ASAH2: variants seen among roughly 807,000 people sequenced by gnomAD.
ASAH2 encodes the protein N-acylsphingosine amidohydrolase 2.
ASAH2 carries 58 observed loss-of-function variants against 82.9 expected under a neutral mutation model. That is an observed-to-expected ratio of 0.70 (90% CI 0.57 to 0.87). The LOEUF (loss-of-function observed/expected upper bound fraction) is 0.87. Among genes scored for constraint, ASAH2 ranks in the 40% least tolerant of loss-of-function variants. ASAH2 has a pLI of 0.00. For missense variants in ASAH2, 779 were observed against 834.0 expected (o/e 0.93, Z 0.81); for synonymous variants, 276 against 289.7 (o/e 0.95, Z 0.48).
At chr10:50,209,779 T>C (rs2133205729) in intron 12 of ASAH2, among the ~76,000 whole-genome samples, 1 of 152,284 alleles carries the variant, frequency 6.6e-6, no homozygotes, top group East Asian at 1.9e-4. Flanking sequence ...AATACGCACA[T>C]GAAAAGGTGT....
Position 50,243,105 on chromosome 10 carries a change from G to A in ASAH2, c.510+97C>T, listed in dbSNP as rs147645624. The A allele has an allele frequency of 2.0e-4, 282 of 1,413,462 alleles. 1 individual carries two copies. In the East Asian group the frequency reaches 5.1e-3, roughly 25 times the overall value. The allele number at this position is 1,413,462 out of a possible 1,614,324, so 87.6% of individuals were successfully genotyped here. On this transcript the variant is annotated intron_variant, in intron 4 of 20. Transcript: ENST00000682911. The stretch of plus-strand genomic sequence containing the variant: ...ATATTGAAGGTAATAGAATTTCACT[G>A]AATGAGAAACCAAGAGGAATTATTT...
chr10:50,197,245 C>G (rs1192422119), intron 17 of ASAH2, among the ~76,000 whole-genome samples: 1 of 151,564 alleles, frequency 6.6e-6, no homozygotes, highest in African/African-American at 2.4e-5. Context: ...GCCTAACATG[C>G]AAAAAGGTAA....
rs1554902359 is a variant in ASAH2 at position 50,187,084 on chromosome 10, CCTCT to C, written c.*227_*230del. On this transcript the variant is annotated 3_prime_UTR_variant, in exon 21 of 21. Transcript: ENST00000682911. ...GCTGGAGCAAGATATATGGGACAAA[CCTCT>C]CTCTCTCTCTCTCTCTCTCTCTCTC... 8.9e-4 allele frequency: 163 copies of C among 183,358 alleles called. No homozygotes were observed. Among genetic ancestry groups the C allele is most frequent in the African/African-American group, 3.4e-3 (76 of 22,254 alleles). 11.4% of individuals were successfully genotyped at this position (183,358 alleles called of 1,614,324 possible).
intron 7 of ASAH2, 98 bp downstream of exon 7, chr10:50,233,086 T>C (rs1177009373): frequency 1.0e-6 from 1 of 975,524 alleles, no homozygotes; most frequent in Non-Finnish European, 1.7e-6. Context: ...ACACAACTTA[T>C]TCTCAGTGTG....
chr10:50,231,137 G>A (rs1372728213), intron 7 of ASAH2, among the ~76,000 whole-genome samples: 1 of 151,882 alleles, frequency 6.6e-6, no homozygotes, highest in Admixed American at 6.6e-5. Context: ...CTATAAGGGC[G>A]ACTCTATCTC....
chr10:50,220,358 A>T (rs1845707995), intron 7 of ASAH2, among the ~76,000 whole-genome samples: 1 of 152,240 alleles, frequency 6.6e-6, no homozygotes, highest in Admixed American at 6.5e-5. Context: ...CACAATAGCA[A>T]GACATGAAAT....
chr10:50,213,224 G>A (rs1035637199), intron 9 of ASAH2, among the ~76,000 whole-genome samples, 166 bp from the exon 10 acceptor site: 4 of 152,120 alleles, frequency 2.6e-5, no homozygotes, highest in Non-Finnish European at 4.4e-5. Context: ...ATCATACCTG[G>A]AATTAGAAGA....
rs867954994 is a variant in ASAH2, at chr10:50,245,449, C to T, written c.133G>A (p.Gly45Arg). The change falls in exon 3 of 21, where the codon GGA (glycine) becomes AGA (arginine). Residue 45 changes from glycine to arginine, a missense_variant. Transcript: ENST00000682911. ...TGGGTGGTTGAAAAAAAATGGCCTC[C>T]TAAATCTAAAACAGAATAAGAGATT... Reference protein sequence around the residue: ...SGTIENHKDLGGHFFSTTQSP... With the variant: ...SGTIENHKDLRGHFFSTTQSP... The T allele has an allele frequency of 1.2e-6, 2 of 1,611,666 alleles. No individual in the cohort carries two copies. Among genetic ancestry groups the T allele is most frequent in the African/African-American group, 2.7e-5 (2 of 74,846 alleles).
chr10:50,238,614 A>G lies in ASAH2; in HGVS notation c.511-2550T>C, dbSNP rs1000182138. On this transcript the variant is annotated intron_variant, in intron 4 of 20. Transcript: ENST00000682911. ...GAAGGGACATCATGAAAGCTGAACT[A>G]AAGTCAGAAGCTGATGTTCTTAACA... 3.9e-5 allele frequency among the ~76,000 whole-genome samples: 6 copies of G among 152,308 alleles called. No individual in the cohort carries two copies. In the East Asian group the frequency reaches 1.2e-3, roughly 29 times the overall value.
chr10:50,236,448 A>G (rs1465427836), intron 4 of ASAH2, among the ~76,000 whole-genome samples: 3 of 152,096 alleles, frequency 2.0e-5, no homozygotes, highest in East Asian at 1.9e-4. Context: ...TCATGATTCA[A>G]TTACCTCCCA....
chr10:50,214,606 T>G, intron 9 of ASAH2, 137 bp downstream of exon 9: 5 of 1,069,146 alleles, frequency 4.7e-6, no homozygotes, highest in Non-Finnish European at 7.0e-6. Context: ...CAGGTGCTTT[T>G]GAGAAGAGCA....
Position 50,234,440 on chromosome 10 carries a change from T to G in ASAH2, c.800A>C (p.Gln267Pro). Residue 267 changes from glutamine (Q) to proline (P), a missense_variant, in exon 6 of 21, where the codon CAG becomes CCG. Gln to Pro is a moderately conservative substitution (Grantham distance 76). Transcript: ENST00000682911. ...RSPYSYLQNP[Q>P]SERARYSSNT... ...TCCTCCTCACCTTGCTCTCTCTGAC[T>G]GCGGATTTTGAAGGTAAGAATACGG... The G allele has an allele frequency of 1.2e-6, 2 of 1,613,054 alleles. No individual in the cohort carries two copies. Among genetic ancestry groups the G allele is most frequent in the Non-Finnish European group, 1.7e-6 (2 of 1,179,228 alleles).
Position 50,209,352 on chromosome 10 carries a change from GA to G in ASAH2, c.1414+1470del, listed in dbSNP as rs1018676880. ...AAGTGAAAAAACCTACAGAATGGAA[GA>G]AAAAAAATTTTTTTTGAGACAGAGT... On this transcript the variant is annotated intron_variant, in intron 12 of 20. Coordinates refer to ENST00000682911, the MANE Select transcript of ASAH2 (RefSeq NM_019893.4). Among the ~76,000 whole-genome samples the G allele has an allele frequency of 2.6e-5, 4 of 151,496 alleles. No homozygotes were observed. The South Asian group carries it at 8.3e-4, about 32-fold the overall frequency.
intron 18 of ASAH2, among the ~76,000 whole-genome samples, chr10:50,193,567 T>C (rs1248131356): frequency 3.3e-5 from 5 of 151,676 alleles, no homozygotes; most frequent in African/African-American, 7.2e-5. Flanking sequence ...GACAAGATTC[T>C]GTTCCCACCA....
intron 8 of ASAH2, among the ~76,000 whole-genome samples, chr10:50,218,124 A>G (rs1845655289): frequency 4.8e-5 from 1 of 20,680 alleles, no homozygotes; most frequent in Admixed American, 1.1e-3. Context: ...ACTCTGTCTC[A>G]AAAAATAAAA....
At chr10:50,243,144 C>T (rs1846347491) in intron 4 of ASAH2, 58 bp downstream of exon 4, 1 of 1,584,398 alleles carries the variant, frequency 6.3e-7, no homozygotes, top group Non-Finnish European at 8.6e-7. Context: ...GTCACATTCA[C>T]CCACTTTTCC....
At chr10:50,223,947 A>C (rs1845813401) in intron 7 of ASAH2, among the ~76,000 whole-genome samples, 1 of 152,196 alleles carries the variant, frequency 6.6e-6, no homozygotes, top group Admixed American at 6.5e-5. Context: ...GAGCCTCCAG[A>C]AGGAACCAAC....
intron 2 of ASAH2, among the ~76,000 whole-genome samples, chr10:50,245,697 C>T (rs77391963): frequency 1.3e-5 from 2 of 152,174 alleles, no homozygotes; most frequent in African/African-American, 2.4e-5. Context: ...CTCCTCATCA[C>T]GAGCCATTCC....
chr10:50,236,041 T>C lies in ASAH2; in HGVS notation c.534A>G (p.Lys178=). The change falls in exon 5 of 21, where the codon AAA becomes AAG. Residue 178 remains lysine (K), a synonymous_variant. Coordinates refer to ENST00000682911, the MANE Select transcript of ASAH2 (RefSeq NM_019893.4). The stretch of plus-strand genomic sequence containing the variant: ...TATCTCTTCTGTACAGGGAGCCATA[T>C]TTACTCTGCAGTCTGTTCAGGACCT... ...RLEVLNRLQS[K]YGSLYRRDNV... is the part of the protein sequence containing the mutation. 6.2e-7 allele frequency: 1 copy of C among 1,613,328 alleles called. No individual in the cohort carries two copies. Among genetic ancestry groups the C allele is most frequent in the South Asian group, 1.1e-5 (1 of 91,070 alleles).
Sources: gnomAD v4.1 joint callset for allele counts (sites outside exome capture counted in the v4.1 genomes callset) on GRCh38, gnomAD v4.1.1 for gene constraint, MANE v1.5 for transcripts, NCBI Gene and HGNC (gene_info 2026-07-23, HGNC 2026-07-21) for gene names.